The following OR2Z1 variants were observed in gnomAD, a reference collection of about 807,000 sequenced individuals.
OR2Z1 encodes olfactory receptor family 2 subfamily Z member 1, also known as olfactory receptor 2Z1.
For missense variants in OR2Z1, 449 were observed against 401.8 expected, an observed-to-expected ratio of 1.12 and a Z score of -1.00; for synonymous variants, 188 against 160.6, an observed-to-expected ratio of 1.17 and a Z score of -1.29.
chr19:8,728,995 G>A (rs2043339294), intron 2 of OR2Z1: 2 of 744,792 alleles, frequency 2.7e-6, no homozygotes, highest in East Asian at 2.8e-5. Context: ...GAGTGGCCAA[G>A]CTTGTTTCTC....
Position 8,731,900 on chromosome 19 carries a change from G to T in OR2Z1, c.872G>T (p.Ser291Ile), listed in dbSNP as rs1419407744. 1 of 1,614,086 alleles carries T rather than the reference G, an allele frequency of 6.2e-7. No homozygotes were observed. Among genetic ancestry groups the T allele is most frequent in the Non-Finnish European group, 8.5e-7 (1 of 1,180,054 alleles). Residue 291 changes from serine to isoleucine, a missense_variant, in exon 3 of 3, where the codon AGT (serine) becomes ATT (isoleucine). Transcript: ENST00000641125. ...CCTACACTCAACCCCCTTATCTACA[G>T]TCTGAGGAATCCGGAGGTGTGGATG... Reference protein sequence around the residue: ...VTPTLNPLIYSLRNPEVWMAL... With the variant: ...VTPTLNPLIYILRNPEVWMAL...
In OR2Z1 at chr19:8,731,287, CG is replaced by C; in HGVS notation, c.263del (p.Gly88GlufsTer19). On this transcript the variant is annotated frameshift_variant, in exon 3 of 3. Coordinates refer to ENST00000641125, the MANE Select transcript of OR2Z1 (RefSeq NM_001004699.3). LOFTEE classifies it low-confidence loss of function (END_TRUNC). ...TIPKMASDFLRGEGATSYGGG... is the reference protein window; with the variant it reads ...TIPKMASDFLXGEGATSYGGG... ...CCCCAAGATGGCATCAGACTTTCTG[CG>C]GGGAGAAGGTGCCACCTCCTATGGA... is the stretch of plus-strand genomic sequence containing the variant. 1 of 1,614,064 alleles carries C rather than the reference CG, an allele frequency of 6.2e-7. No homozygotes were observed. Among genetic ancestry groups the C allele is most frequent in the Non-Finnish European group, 8.5e-7 (1 of 1,179,994 alleles).
intron 2 of OR2Z1, among the ~76,000 whole-genome samples, chr19:8,729,685 G>A (rs1209566974): frequency 6.6e-6 from 1 of 152,074 alleles, no homozygotes; most frequent in East Asian, 1.9e-4. Flanking sequence ...CCGCCTCCTG[G>A]GTTCAAGCGA....
rs564509251 is a variant in OR2Z1, at chr19:8,724,383, G to A, written c.-170+1233G>A. On this transcript the variant is annotated intron_variant, in intron 2 of 2. Transcript: ENST00000641125. ...CCCAAGTAGCCGGGACTATAAGCAT[G>A]TGCCACCATGCCTGGCTAATTTTTC... Among the ~76,000 whole-genome samples, 34 of 152,112 alleles carry A rather than the reference G, an allele frequency of 2.2e-4. No individual in the cohort carries two copies. In the South Asian group the frequency reaches 6.9e-3, roughly 31 times the overall value.
intron 2 of OR2Z1, among the ~76,000 whole-genome samples, chr19:8,724,409 T>C (rs2043319684): frequency 6.6e-6 from 1 of 152,044 alleles, no homozygotes; most frequent in South Asian, 2.1e-4. Context: ...CTAATTTTTC[T>C]ATTTCTTGTA....
intron 1 of OR2Z1, among the ~76,000 whole-genome samples, chr19:8,722,789 A>T (rs1196978309): frequency 6.6e-6 from 1 of 152,126 alleles, no homozygotes; most frequent in African/African-American, 2.4e-5. Context: ...GGTATTATTT[A>T]AAACTGGGAT....
chr19:8,731,912 C>A lies in OR2Z1; in HGVS notation c.884C>A (p.Pro295Gln), dbSNP rs782578792. 2 of 1,614,184 alleles carry A rather than the reference C, an allele frequency of 1.2e-6. No individual in the cohort carries two copies. Among genetic ancestry groups the A allele is most frequent in the Non-Finnish European group, 1.7e-6 (2 of 1,180,036 alleles). Residue 295 changes from proline to glutamine, a missense_variant, in exon 3 of 3, where the codon CCG becomes CAG. Coordinates refer to ENST00000641125, the MANE Select transcript of OR2Z1 (RefSeq NM_001004699.3). Reference protein sequence around the residue: ...LNPLIYSLRNPEVWMALVKVL... With the variant: ...LNPLIYSLRNQEVWMALVKVL... ...CCCCTTATCTACAGTCTGAGGAATC[C>A]GGAGGTGTGGATGGCTTTGGTCAAA...
At chr19:8,729,054 G>A (rs533076958) in intron 2 of OR2Z1, 10 of 1,107,080 alleles carry the variant, frequency 9.0e-6, no homozygotes, top group East Asian at 2.5e-5. Context: ...GAGTCACAGT[G>A]TCTTGGGCTG....
chr19:8,731,203 A>G lies in OR2Z1; in HGVS notation c.175A>G (p.Met59Val), dbSNP rs2043352139. The change falls in exon 3 of 3, where the codon ATG (methionine) becomes GTG (valine). Residue 59 changes from methionine (M) to valine (V), a missense_variant. Transcript: ENST00000641125. Reference protein sequence around the residue: ...IRVDSRLHTPMYFLLSQLSLF... With the variant: ...IRVDSRLHTPVYFLLSQLSLF... The stretch of plus-strand genomic sequence containing the variant: ...TGTGGACTCCCGGCTCCACACACCC[A>G]TGTACTTCCTGCTCAGCCAGCTCTC... 2.5e-6 allele frequency: 4 copies of G among 1,613,732 alleles called. No homozygotes were observed. The highest frequency in any genetic ancestry group is 2.7e-5 in the African/African-American group (2 of 74,772).
intron 1 of OR2Z1, among the ~76,000 whole-genome samples, chr19:8,722,832 G>T (rs564211795): frequency 1.3e-5 from 2 of 152,152 alleles, no homozygotes; most frequent in Admixed American, 1.3e-4. Flanking sequence ...TAGCAAGACC[G>T]CATCTCTACA....
At chr19:8,729,026 A>T in intron 2 of OR2Z1, 1 of 958,628 alleles carries the variant, frequency 1.0e-6, no homozygotes, top group Non-Finnish European at 1.6e-6. Context: ...TCTTTCGAGG[A>T]TATTTGGGCT....
At chr19:8,725,150 A>G (rs1160494803) in intron 2 of OR2Z1, among the ~76,000 whole-genome samples, 2 of 152,238 alleles carry the variant, frequency 1.3e-5, no homozygotes, top group African/African-American at 4.8e-5. Context: ...CTATGCTGAA[A>G]TGAGTTCAAC....
intron 2 of OR2Z1, among the ~76,000 whole-genome samples, chr19:8,725,563 T>C (rs1046535288): frequency 3.9e-5 from 6 of 152,258 alleles, no homozygotes; most frequent in South Asian, 2.1e-4. Flanking sequence ...ACATCTTTGA[T>C]TGACTCTGGA....
At chr19:8,726,017 A>G (rs1555756134) in intron 2 of OR2Z1, among the ~76,000 whole-genome samples, 1 of 152,012 alleles carries the variant, frequency 6.6e-6, no homozygotes, top group East Asian at 1.9e-4. Flanking sequence ...CCAGGCTGGA[A>G]TGCAGTGGCA....
chr19:8,728,308 C>T (rs2043336107), intron 2 of OR2Z1, among the ~76,000 whole-genome samples: 1 of 152,186 alleles, frequency 6.6e-6, no homozygotes, highest in Non-Finnish European at 1.5e-5. Context: ...GGCCATCCTT[C>T]TTGTTCACCT....
rs2043309320 is a variant in OR2Z1, at chr19:8,721,891, T to C, written c.-366T>C. The C allele has an allele frequency of 6.6e-6, 1 of 152,210 alleles. No individual in the cohort carries two copies. Among genetic ancestry groups the C allele is most frequent in the African/African-American group, 2.4e-5 (1 of 41,454 alleles). 9.4% of individuals were successfully genotyped at this position (152,210 alleles called of 1,614,324 possible). A position where few individuals can be genotyped will look rare whatever the true frequency, so the allele number is the denominator to read the frequency against. On this transcript the variant is annotated 5_prime_UTR_variant, in exon 1 of 3. Coordinates refer to ENST00000641125, the MANE Select transcript of OR2Z1 (RefSeq NM_001004699.3). ...TGTGACCATCCTACAACAGTGATGC[T>C]CTGGAGGAATTCTCAGCTCAGAATT...
At chr19:8,726,594 G>T (rs942722197) in intron 2 of OR2Z1, among the ~76,000 whole-genome samples, 4 of 152,192 alleles carry the variant, frequency 2.6e-5, no homozygotes, top group African/African-American at 9.7e-5. Flanking sequence ...CTTCTTGTTG[G>T]TCATTGGTCT....
intron 2 of OR2Z1, chr19:8,729,318 A>C (rs1401500557): frequency 2.1e-6 from 1 of 471,490 alleles, no homozygotes; most frequent in Non-Finnish European, 3.8e-6. Flanking sequence ...GCTTCCACTG[A>C]TAAGTGAGAA....
chr19:8,729,714 C>T (rs1241304174), intron 2 of OR2Z1, among the ~76,000 whole-genome samples: 1 of 152,084 alleles, frequency 6.6e-6, no homozygotes, highest in Non-Finnish European at 1.5e-5. Flanking sequence ...CCTCAGCCTC[C>T]CGAATAGATG....
Sources: allele counts gnomAD v4.1 joint callset (sites outside exome capture counted in the v4.1 genomes callset), GRCh38; gene constraint gnomAD v4.1.1; transcripts MANE v1.5; gene names NCBI Gene and HGNC (gene_info 2026-07-23, HGNC 2026-07-21).